PLCB1: variants seen among roughly 807,000 people sequenced by gnomAD.
The protein encoded by PLCB1 is 1-phosphatidylinositol 4,5-bisphosphate phosphodiesterase beta-1.
In PLCB1, 46 loss-of-function variants were observed where a neutral mutation model predicts 161.8. The observed-to-expected ratio is 0.28, with a 90% CI of 0.22 to 0.36. The LOEUF is 0.36. Ranked by LOEUF, PLCB1 falls within the 10% of genes least tolerant of loss-of-function variation. The pLI, the probability that PLCB1 is intolerant of heterozygous loss-of-function variation, is 1.00. For synonymous variants in PLCB1, 517 were observed against 503.7 expected (o/e 1.03, Z -0.35); for missense variants, 1,016 against 1,472.5 (o/e 0.69, Z 5.07).
intron 3 of PLCB1, among the ~76,000 whole-genome samples, chr20:8,593,405 G>A (rs950583611): frequency 2.6e-5 from 4 of 152,010 alleles, no homozygotes; most frequent in Admixed American, 6.6e-5. Flanking sequence ...TGTTTCCCAG[G>A]CTGGCCTTCA....
At chr20:8,615,015 G>A (rs1337856209) in intron 3 of PLCB1, among the ~76,000 whole-genome samples, 1 of 152,124 alleles carries the variant, frequency 6.6e-6, no homozygotes, top group Non-Finnish European at 1.5e-5. Flanking sequence ...ATTCCACCAT[G>A]TAGAAATAAG....
intron 31 of PLCB1, among the ~76,000 whole-genome samples, chr20:8,797,420 T>TA (rs1208925925): frequency 1.6e-5 from 2 of 127,454 alleles, no homozygotes; most frequent in East Asian, 4.6e-4. Context: ...CCATATATAT[T>TA]TGCATATAAA....
At chr20:8,282,470 C>T (rs1375037298) in intron 2 of PLCB1, among the ~76,000 whole-genome samples, 1 of 152,108 alleles carries the variant, frequency 6.6e-6, no homozygotes, top group Non-Finnish European at 1.5e-5. Context: ...GGAATATAAC[C>T]AACTTTTTCT....
chr20:8,240,774 A>C (rs542804696), intron 2 of PLCB1, among the ~76,000 whole-genome samples: 2 of 152,148 alleles, frequency 1.3e-5, no homozygotes, highest in East Asian at 3.9e-4. Flanking sequence ...TAGAAATCAA[A>C]TATCCTATTT....
chr20:8,705,044 G>T (rs1235747932), intron 11 of PLCB1, among the ~76,000 whole-genome samples: 1 of 139,410 alleles, frequency 7.2e-6, no homozygotes, highest in South Asian at 2.2e-4. Context: ...CCACATTAGG[G>T]AGGGCAGGCT....
At chr20:8,582,323 A>G (rs1373488296) in intron 3 of PLCB1, among the ~76,000 whole-genome samples, 1 of 152,120 alleles carries the variant, frequency 6.6e-6, no homozygotes, top group East Asian at 1.9e-4. Flanking sequence ...TGGCTGGAAT[A>G]CCTGGGAGGT....
At chr20:8,432,935 A>AC (rs1469436042) in intron 3 of PLCB1, among the ~76,000 whole-genome samples, 1 of 151,886 alleles carries the variant, frequency 6.6e-6, no homozygotes, top group Non-Finnish European at 1.5e-5. Flanking sequence ...GGATTGTGTG[A>AC]CCCCCTCTGG....
chr20:8,339,893 C>A (rs1435419703), intron 2 of PLCB1, among the ~76,000 whole-genome samples: 1 of 152,114 alleles, frequency 6.6e-6, no homozygotes, highest in Non-Finnish European at 1.5e-5. Flanking sequence ...CGCTTGAGGT[C>A]GGGAGTTCAA....
chr20:8,836,658 A>AAATATAT (rs1445465474), intron 31 of PLCB1, among the ~76,000 whole-genome samples: 1 of 151,846 alleles, frequency 6.6e-6, no homozygotes, highest in East Asian at 1.9e-4. Flanking sequence ...GAGATATATA[A>AAATATAT]ATATTACCAT....
chr20:8,223,419 T>C (rs1017764908), intron 2 of PLCB1, among the ~76,000 whole-genome samples: 2 of 152,174 alleles, frequency 1.3e-5, no homozygotes, highest in Admixed American at 1.3e-4. Context: ...GAGGACTTGA[T>C]AGAGTCTCAA....
At chr20:8,506,298 CTAA>C (rs1171879985) in intron 3 of PLCB1, among the ~76,000 whole-genome samples, 1 of 152,188 alleles carries the variant, frequency 6.6e-6, no homozygotes, top group Non-Finnish European at 1.5e-5. Context: ...ACTTGCTAAT[CTAA>C]TAATAAGTCT....
intron 9 of PLCB1, among the ~76,000 whole-genome samples, chr20:8,661,203 A>G (rs1429722621): frequency 6.6e-6 from 1 of 152,122 alleles, no homozygotes; most frequent in Admixed American, 6.6e-5. Flanking sequence ...CCCAGCACCT[A>G]GAAGATGCAC....
chr20:8,448,601 A>G (rs1980939413), intron 3 of PLCB1, among the ~76,000 whole-genome samples: 1 of 152,226 alleles, frequency 6.6e-6, no homozygotes, highest in Non-Finnish European at 1.5e-5. Flanking sequence ...TCCTTTTGGG[A>G]CAGAAATAAC....
chr20:8,143,321 A>C (rs540231570), intron 1 of PLCB1, among the ~76,000 whole-genome samples: 37 of 152,240 alleles, frequency 2.4e-4, no homozygotes, highest in Admixed American at 7.8e-4. Context: ...TGTGGGCAAC[A>C]TGGCTCCCAG....
intron 9 of PLCB1, among the ~76,000 whole-genome samples, chr20:8,677,306 G>A (rs996092764): frequency 2.6e-5 from 4 of 152,072 alleles, no homozygotes; most frequent in Admixed American, 2.0e-4. Flanking sequence ...GCTGAGGCAG[G>A]AGGATCGCTT....
chr20:8,490,541 T>C (rs1294700942), intron 3 of PLCB1, among the ~76,000 whole-genome samples: 2 of 152,198 alleles, frequency 1.3e-5, no homozygotes, highest in Admixed American at 6.5e-5. Flanking sequence ...TGTAAGCAAA[T>C]GGCAAACTGT....
At chr20:8,270,574 A>T (rs1982232689) in intron 2 of PLCB1, among the ~76,000 whole-genome samples, 1 of 152,160 alleles carries the variant, frequency 6.6e-6, no homozygotes, top group African/African-American at 2.4e-5. Flanking sequence ...ATATGTGCTT[A>T]GATTGATAGA....
Position 8,697,951 on chromosome 20 carries a change from G to A in PLCB1, c.1167+168G>A, listed in dbSNP as rs577955205. Among the ~76,000 whole-genome samples the A allele has an allele frequency of 1.6e-3, 238 of 152,276 alleles. 1 individual carries two copies. Among genetic ancestry groups the A allele is most frequent in the African/African-American group, 5.6e-3 (234 of 41,554 alleles). ...TTGGCTGTTTATTCATGAATAATTG[G>A]CATCAGGTGAATTAATTCATGCTAA... On this transcript the variant is annotated intron_variant, in intron 11 of 31. Coordinates refer to ENST00000338037, the MANE Select transcript of PLCB1 (RefSeq NM_015192.4).
chr20:8,744,624 A>AT (rs1555787590), intron 23 of PLCB1, among the ~76,000 whole-genome samples: 1 of 144,588 alleles, frequency 6.9e-6, no homozygotes, highest in Non-Finnish European at 1.5e-5. Context: ...AATAAATAAA[A>AT]TAAAATAAAA....
Sources: gnomAD v4.1 joint callset for allele counts (sites outside exome capture counted in the v4.1 genomes callset) on GRCh38, gnomAD v4.1.1 for gene constraint, MANE v1.5 for transcripts, NCBI Gene and HGNC (gene_info 2026-07-23, HGNC 2026-07-21) for gene names.